UBR2: variants seen among roughly 807,000 people sequenced by gnomAD.
UBR2 encodes the protein E3 ubiquitin-protein ligase UBR2.
Under a neutral mutation model 247.9 loss-of-function variants are expected in UBR2, and 92 were observed. The ratio of observed to expected loss-of-function variants is 0.37; its 90% CI spans 0.31 to 0.44. The LOEUF (loss-of-function observed/expected upper bound fraction) is 0.44, where lower values mean the gene tolerates loss of function less well. Ranked by LOEUF, UBR2 falls within the 20% of genes least tolerant of loss-of-function variation. UBR2 has a pLI of 1.00. For synonymous variants in UBR2, 672 were observed against 693.5 expected, an observed-to-expected ratio of 0.97 and a Z score of 0.49; for missense variants, 1,613 against 2,112.6, an observed-to-expected ratio of 0.76 and a Z score of 4.64.
intron 25 of UBR2, 132 bp from the exon 26 acceptor site, chr6:42,655,489 A>G (rs1797392685): frequency 3.7e-6 from 2 of 543,332 alleles, no homozygotes; most frequent in South Asian, 6.1e-5. Context: ...AGTACTTCAA[A>G]TTGTTTTTAA....
chr6:42,599,962 A>G (rs1793252394), intron 4 of UBR2, among the ~76,000 whole-genome samples: 1 of 152,160 alleles, frequency 6.6e-6, no homozygotes, highest in African/African-American at 2.4e-5. Flanking sequence ...TGGTATTAAT[A>G]ATAGATTTAT....
chr6:42,618,884 A>G (rs542727018), intron 11 of UBR2, among the ~76,000 whole-genome samples: 16 of 152,328 alleles, frequency 1.1e-4, no homozygotes, highest in African/African-American at 3.4e-4. Context: ...TTGAAGAAGC[A>G]TAAGGATGAT....
chr6:42,638,092 T>C (rs868304474), intron 15 of UBR2, among the ~76,000 whole-genome samples: 14 of 152,220 alleles, frequency 9.2e-5, no homozygotes, highest in African/African-American at 3.1e-4. Context: ...CTTCCTTAAA[T>C]GTTTGACAGA....
At chr6:42,684,482 G>A (rs1246661091) in intron 43 of UBR2, among the ~76,000 whole-genome samples, 2 of 151,824 alleles carry the variant, frequency 1.3e-5, no homozygotes, top group African/African-American at 2.4e-5. Flanking sequence ...TACTCGGGAG[G>A]CTGAGGCAGG....
chr6:42,627,619 T>C (rs1395367595), intron 11 of UBR2, among the ~76,000 whole-genome samples: 1 of 152,008 alleles, frequency 6.6e-6, no homozygotes, highest in Non-Finnish European at 1.5e-5. Flanking sequence ...TGCCTCAGTT[T>C]CCTGAGTAGC....
At position 42,691,368 on chromosome 6, in the gene UBR2, C is replaced by A; in HGVS notation, c.*195C>A. On this transcript the variant is annotated 3_prime_UTR_variant, in exon 47 of 47. Transcript: ENST00000372901. ...TTTTCTTGCACTGTTTGCTGTGCCC[C>A]TCAAATATAATGTCTTGGGTTTTAA... is the stretch of plus-strand genomic sequence containing the variant. 2 of 690,786 alleles carry A rather than the reference C, an allele frequency of 2.9e-6. No homozygotes were observed. The highest frequency in any genetic ancestry group is 4.7e-6 in the Non-Finnish European group (2 of 426,552). The allele number at this position is 690,786 out of a possible 1,614,324, so 42.8% of individuals were successfully genotyped here.
intron 12 of UBR2, 35 bp downstream of exon 12, chr6:42,632,750 T>A: frequency 6.3e-7 from 1 of 1,592,176 alleles, no homozygotes; most frequent in African/African-American, 1.4e-5. Flanking sequence ...CCAGTTGCAA[T>A]TTATAGAAAG....
chr6:42,687,528 T>TTTTA (rs36075254), intron 44 of UBR2, among the ~76,000 whole-genome samples: 40,957 of 149,146 alleles, frequency 0.27, 5,926 homozygotes, highest in East Asian at 0.46. Context: ...TTGTATTTTA[T>TTTTA]TTTATTTATT....
At chr6:42,616,140 C>A (rs568656735) in intron 10 of UBR2, 50 bp downstream of exon 10, 2 of 1,306,332 alleles carry the variant, frequency 1.5e-6, no homozygotes, top group African/African-American at 3.0e-5. Flanking sequence ...AGTAACTATG[C>A]CCATAATTAT....
intron 15 of UBR2, among the ~76,000 whole-genome samples, chr6:42,638,792 T>TC (rs1796263862): frequency 6.6e-6 from 1 of 151,728 alleles, no homozygotes; most frequent in Non-Finnish European, 1.5e-5. Flanking sequence ...GAGTCCTGTC[T>TC]CCAACTGAGC....
rs116667806 is a variant in UBR2 at position 42,608,406 on chromosome 6, G to A, written c.864+1755G>A. 8.7e-3 allele frequency among the ~76,000 whole-genome samples: 1,319 copies of A among 152,182 alleles called. 7 individuals are homozygous for A. Among genetic ancestry groups the A allele is most frequent in the Non-Finnish European group, 0.011 (767 of 67,996 alleles). ...TTTGGAAAGCAGAGGCAAGAGGATC[G>A]CTTGAGGCCAAGAGTTTGGGACCAG... is the stretch of plus-strand genomic sequence containing the variant. On this transcript the variant is annotated intron_variant, in intron 7 of 46. Coordinates refer to ENST00000372901, the MANE Select transcript of UBR2 (RefSeq NM_001363705.2).
rs67809948 is a variant in UBR2 at position 42,671,185 on chromosome 6, C to CA, written c.4086+491dup. On this transcript the variant is annotated intron_variant, in intron 36 of 46. Transcript: ENST00000372901. ...GGGCAACAAGAGTGAAACTCCATCT[C>CA]AAAAAAAAAAAAAAAAAAAAATTGC... Among the ~76,000 whole-genome samples, 726 of 100,822 alleles carry CA rather than the reference C, an allele frequency of 7.2e-3. 8 individuals are homozygous for CA. The highest frequency in any genetic ancestry group is 0.011 in the East Asian group (39 of 3,530). 66.1% of individuals were successfully genotyped at this position (100,822 alleles called of 152,430 possible).
intron 36 of UBR2, among the ~76,000 whole-genome samples, chr6:42,673,182 G>A (rs956906578): frequency 3.9e-5 from 6 of 152,110 alleles, no homozygotes; most frequent in African/African-American, 1.4e-4. Flanking sequence ...CCAATATTTG[G>A]AGTATCTCTT....
chr6:42,651,584 A>G (rs1338774055), intron 23 of UBR2, among the ~76,000 whole-genome samples: 1 of 152,036 alleles, frequency 6.6e-6, no homozygotes, highest in African/African-American at 2.4e-5. Context: ...CCTGCCTCCC[A>G]GGTTCAAGCA....
chr6:42,612,050 T>C (rs1215464257), intron 7 of UBR2, 121 bp from the exon 8 acceptor site: 2 of 842,466 alleles, frequency 2.4e-6, no homozygotes, highest in African/African-American at 3.5e-5. Flanking sequence ...TTTTCTTACA[T>C]CCATGAAAAA....
chr6:42,659,516 TATATACAC>T lies in UBR2; in HGVS notation c.3243-138_3243-131del, dbSNP rs1185919015. The T allele has an allele frequency of 4.9e-5, 25 of 509,942 alleles. 1 individual carries two copies. Among genetic ancestry groups the T allele is most frequent in the Middle Eastern group, 5.0e-4 (1 of 1,990 alleles). The allele number at this position is 509,942 out of a possible 1,614,324, so 31.6% of individuals were successfully genotyped here. The stretch of plus-strand genomic sequence containing the variant: ...CTCTGTCTCAAAAAATAAATAAATA[TATATACAC>T]ACACACACACACACACACACACACA... On this transcript the variant is annotated intron_variant, in intron 29 of 46. Transcript: ENST00000372901. The surrounding 1 kb of genome is among the most constrained non-coding windows in gnomAD (Gnocchi z 4.3).
At chr6:42,615,555 A>C (rs79931034) in intron 9 of UBR2, among the ~76,000 whole-genome samples, 1 of 151,918 alleles carries the variant, frequency 6.6e-6, no homozygotes, top group African/African-American at 2.4e-5. Flanking sequence ...GACTCAAGCA[A>C]TCCTCCCTTC....
intron 13 of UBR2, among the ~76,000 whole-genome samples, chr6:42,633,350 C>G (rs569058520): frequency 1.3e-5 from 2 of 151,942 alleles, no homozygotes; most frequent in African/African-American, 4.8e-5. Flanking sequence ...GCAAACATTC[C>G]GGCATCTACT....
In UBR2 at chr6:42,606,605, G is replaced by T; in HGVS notation, c.818G>T (p.Arg273Leu). The change falls in exon 7 of 47, where the codon CGA becomes CTA. Residue 273 changes from arginine (R) to leucine (L), a missense_variant. Transcript: ENST00000372901. Reference protein sequence around the residue: ...TVDRDGRRSVRYGDFQYCEQA... With the variant: ...TVDRDGRRSVLYGDFQYCEQA... Reference sequence around the variant, plus strand: ...TCTTTACAGGGGCGTAGGTCTGTTCGATATGGAGATTTTCAGTATTGTGAG... The same window carrying T: ...TCTTTACAGGGGCGTAGGTCTGTTCTATATGGAGATTTTCAGTATTGTGAG... 6.2e-7 allele frequency: 1 copy of T among 1,609,412 alleles called. No individual in the cohort carries two copies. The highest frequency in any genetic ancestry group is 8.5e-7 in the Non-Finnish European group (1 of 1,178,318).
Sources: allele counts gnomAD v4.1 joint callset (sites outside exome capture counted in the v4.1 genomes callset), GRCh38; gene constraint gnomAD v4.1.1; non-coding constraint Gnocchi (gnomAD v3.1); transcripts MANE v1.5; gene names NCBI Gene and HGNC (gene_info 2026-07-23, HGNC 2026-07-21).